The following CYB561 variants were observed in gnomAD, a reference collection of about 807,000 sequenced individuals.
CYB561 encodes the protein transmembrane ascorbate-dependent reductase CYB561.
In CYB561, 11 loss-of-function variants were observed where a neutral mutation model predicts 25.3. The observed-to-expected ratio is 0.44, with a 90% CI of 0.27 to 0.72. The LOEUF (loss-of-function observed/expected upper bound fraction) is 0.72, where lower values mean the gene tolerates loss of function less well. Among genes scored for constraint, CYB561 ranks in the 30% least tolerant of loss-of-function variants. The pLI is 0.18. For missense variants in CYB561, 295 were observed against 334.9 expected, an observed-to-expected ratio of 0.88 and a Z score of 0.93; for synonymous variants, 165 against 158.8, an observed-to-expected ratio of 1.04 and a Z score of -0.29.
Position 63,443,636 on chromosome 17 carries a change from G to T in CYB561, c.-14+2609C>A, listed in dbSNP as rs551969652. Among the ~76,000 whole-genome samples, 272 of 152,184 alleles carry T rather than the reference G, an allele frequency of 1.8e-3. 2 individuals are homozygous for T. Among genetic ancestry groups the T allele is most frequent in the African/African-American group, 4.4e-3 (181 of 41,522 alleles). ...AAAACTTATTTTAATTAATTTTTTT[G>T]TTGTTGTTGTTAACAGTGTCTACCT... is the stretch of plus-strand genomic sequence containing the variant. On this transcript the variant is annotated intron_variant, in intron 1 of 5. Coordinates refer to ENST00000360793, the MANE Select transcript of CYB561 (RefSeq NM_001915.4).
chr17:63,433,159 A>G lies in CYB561; in HGVS notation c.*1243T>C, dbSNP rs1177266316. The G allele has an allele frequency of 8.3e-6, 3 of 363,180 alleles. No homozygotes were observed. The Admixed American group carries it at 1.4e-4, about 17-fold the overall frequency. The allele number at this position is 363,180 out of a possible 1,614,324, so 22.5% of individuals were successfully genotyped here. ...ACCATTCTCCTGCCTCAGCCTCCCA[A>G]GTAGCTGGGACTACAGGCGCCCACC... On this transcript the variant is annotated 3_prime_UTR_variant, in exon 6 of 6. Transcript: ENST00000360793.
rs1048452711 is a variant in CYB561, at chr17:63,432,557, A to G, written c.*1845T>C. On this transcript the variant is annotated 3_prime_UTR_variant, in exon 6 of 6. Transcript: ENST00000360793. ...CGATTGTACTTTGGTAGTTTGTCTA[A>G]GGCGGAGTTTTCCCACATGTAAACA... 5.3e-5 allele frequency: 8 copies of G among 152,254 alleles called. No homozygotes were observed. The highest frequency in any genetic ancestry group is 1.0e-4 in the Non-Finnish European group (7 of 68,050). The allele number at this position is 152,254 out of a possible 1,614,324, so 9.4% of individuals were successfully genotyped here. A position where few individuals can be genotyped will look rare whatever the true frequency, so the allele number is the denominator to read the frequency against.
chr17:63,435,728 C>T lies in CYB561; in HGVS notation c.365G>A (p.Ser122Asn). Residue 122 changes from serine (S) to asparagine (N), a missense_variant, in exon 4 of 6, where the codon AGC (serine) becomes AAC (asparagine). Coordinates refer to ENST00000360793, the MANE Select transcript of CYB561 (RefSeq NM_001915.4). ...GACAAAGACAAGGATCCCGCACCAGCTGTGTAGGCTGTACAGGTCAGCGTA... is the reference window on the plus strand; with the variant it reads ...GACAAAGACAAGGATCCCGCACCAGTTGTGTAGGCTGTACAGGTCAGCGTA... ...KGYADLYSLH[S>N]WCGILVFVLY... 1 of 1,614,218 alleles carries T rather than the reference C, an allele frequency of 6.2e-7. No homozygotes were observed. Among genetic ancestry groups the T allele is most frequent in the Non-Finnish European group, 8.5e-7 (1 of 1,180,036 alleles).
At chr17:63,435,952 G>T (rs948659960) in intron 3 of CYB561, 102 bp downstream of exon 3, 1 of 1,599,814 alleles carries the variant, frequency 6.3e-7, no homozygotes, top group Admixed American at 1.7e-5. Flanking sequence ...GTGGGGGCGG[G>T]CCCATCACAG....
chr17:63,434,650 G>A (rs1312172968), intron 5 of CYB561, 56 bp from the exon 6 acceptor site: 7 of 1,480,482 alleles, frequency 4.7e-6, no homozygotes, highest in Non-Finnish European at 6.4e-6. Flanking sequence ...TAGGCCAAAT[G>A]CCCTTTGTAT....
At position 63,437,462 on chromosome 17, in the gene CYB561, GCCACCAAGGTCAGGC is replaced by G; in HGVS notation, c.71_85del (p.Gly24_Val28del). 1.2e-6 allele frequency: 2 copies of G among 1,613,910 alleles called. No homozygotes were observed. The highest frequency in any genetic ancestry group is 1.7e-6 in the Non-Finnish European group (2 of 1,179,968). ...CAGCCCGAGCCACGCGCCGGTCATG[GCCACCAAGGTCAGGC>G]CCAGCAGCTGGGAGAAGGCCACGTA... On this transcript the variant is annotated inframe_deletion, in exon 2 of 6. Transcript: ENST00000360793.
Position 63,436,237 on chromosome 17 carries a change from A to G in CYB561, c.203-85T>C, listed in dbSNP as rs1197236105. ...CAGCAGCAAGGAGGCACCTTGGTGGAGAGGTGATGTGAGCTGACGGCTTGT... is the reference window on the plus strand; with the variant it reads ...CAGCAGCAAGGAGGCACCTTGGTGGGGAGGTGATGTGAGCTGACGGCTTGT... On this transcript the variant is annotated intron_variant, in intron 2 of 5. Coordinates refer to ENST00000360793, the MANE Select transcript of CYB561 (RefSeq NM_001915.4). This position sits in a 1 kb window ranked among gnomAD's most constrained non-coding sequence, Gnocchi z 4.8. 24 of 1,515,298 alleles carry G rather than the reference A, an allele frequency of 1.6e-5. No homozygotes were observed. Among genetic ancestry groups the G allele is most frequent in the South Asian group, 4.8e-5 (4 of 82,510 alleles). 93.9% of individuals were successfully genotyped at this position (1,515,298 alleles called of 1,614,324 possible). A position where few individuals can be genotyped will look rare whatever the true frequency, so the allele number is the denominator to read the frequency against.
rs752179516 is a variant in CYB561, at chr17:63,437,568, A to G, written c.-13-8T>C. ...TCCATGCTGAGGCAAACGCTGCAAG[A>G]AAGAGCAGAGCTCAGAGGAGCAGCG... On this transcript the variant is annotated splice_polypyrimidine_tract_variant and splice_region_variant and intron_variant, in intron 1 of 5. Transcript: ENST00000360793. 6.2e-7 allele frequency: 1 copy of G among 1,600,574 alleles called. No homozygotes were observed. The highest frequency in any genetic ancestry group is 1.1e-5 in the South Asian group (1 of 90,670).
intron 4 of CYB561, 127 bp downstream of exon 4, chr17:63,435,561 G>A (rs986195474): frequency 2.4e-6 from 2 of 843,896 alleles, no homozygotes; most frequent in Admixed American, 2.1e-5. Context: ...GCCTGGGAAG[G>A]CAGCTCTCTC....
At chr17:63,438,207 C>A in intron 1 of CYB561, 1 of 1,535,654 alleles carries the variant, frequency 6.5e-7, no homozygotes, top group East Asian at 2.4e-5. Flanking sequence ...GGCCCAGTGC[C>A]CGGCTTTGTT....
At position 63,434,344 on chromosome 17, in the gene CYB561, G is replaced by T; in HGVS notation, c.*58C>A. On this transcript the variant is annotated 3_prime_UTR_variant, in exon 6 of 6. Transcript: ENST00000360793. ...CTCCGGAGCCTGCAGTCCTGAAGAC[G>T]CCTCAGCAGGGGCAGGCAAGAAGAC... is the stretch of plus-strand genomic sequence containing the variant. The T allele has an allele frequency of 2.1e-6, 3 of 1,445,334 alleles. No homozygotes were observed. Among genetic ancestry groups the T allele is most frequent in the South Asian group, 1.4e-5 (1 of 73,720 alleles). The allele number at this position is 1,445,334 out of a possible 1,614,324, so 89.5% of individuals were successfully genotyped here.
intron 1 of CYB561, chr17:63,438,451 C>T (rs2049339091): frequency 1.9e-6 from 1 of 518,644 alleles, no homozygotes; most frequent in African/African-American, 1.9e-5. Flanking sequence ...CCCGCTCCCC[C>T]CACGCCCCCG....
At chr17:63,443,611 A>T (rs1325734182) in intron 1 of CYB561, among the ~76,000 whole-genome samples, 2 of 152,230 alleles carry the variant, frequency 1.3e-5, no homozygotes, top group Non-Finnish European at 2.9e-5. Context: ...GCAATTTTTT[A>T]AAACTTATTT....
chr17:63,436,974 G>A lies in CYB561; in HGVS notation c.202+372C>T, dbSNP rs923464228. The A allele has an allele frequency of 4.8e-5, 12 of 251,344 alleles. No individual in the cohort carries two copies. Among genetic ancestry groups the A allele is most frequent in the African/African-American group, 2.0e-4 (9 of 44,562 alleles). The allele number at this position is 251,344 out of a possible 1,614,324, so 15.6% of individuals were successfully genotyped here. On this transcript the variant is annotated intron_variant, in intron 2 of 5. Coordinates refer to ENST00000360793, the MANE Select transcript of CYB561 (RefSeq NM_001915.4). The surrounding 1 kb of genome is among the most constrained non-coding windows in gnomAD (Gnocchi z 4.8). ...CAAGACCAACAACACACATGCGCGC[G>A]CACGCACGCACGCATACAAACTCTC...
At position 63,433,411 on chromosome 17, in the gene CYB561, A is replaced by ACTT. The variant is rs1205776336; in HGVS notation, c.*988_*990dup. 1 of 398,638 alleles carries ACTT rather than the reference A, an allele frequency of 2.5e-6. No individual in the cohort carries two copies. The highest frequency in any genetic ancestry group is 4.4e-6 in the Non-Finnish European group (1 of 226,218). 24.7% of individuals were successfully genotyped at this position (398,638 alleles called of 1,614,324 possible). A position where few individuals can be genotyped will look rare whatever the true frequency, so the allele number is the denominator to read the frequency against. On this transcript the variant is annotated 3_prime_UTR_variant, in exon 6 of 6. Transcript: ENST00000360793. ...CTGTAGTTGTTCTGACTCCATCCTG[A>ACTT]CTTCCTGGAAAGATGGGCAGCAGAT...
chr17:63,443,456 C>T (rs376672724), intron 1 of CYB561, among the ~76,000 whole-genome samples: 8 of 152,166 alleles, frequency 5.3e-5, no homozygotes, highest in African/African-American at 1.7e-4. Flanking sequence ...GAACTAGGTA[C>T]CCAGGAAGCA....
In CYB561 at chr17:63,434,552, G is replaced by C. The variant is rs772551964; in HGVS notation, c.606C>G (p.Asn202Lys). The stretch of plus-strand genomic sequence containing the variant: ...AGCAGGCCAGCAGCAGGCCCAGCAC[G>C]TTGGCCAGGACACCCTCGGGCTCAA... The part of the protein sequence containing the change: ...SAFEPEGVLA[N>K]VLGLLLACFG... Residue 202 changes from asparagine (N) to lysine (K), a missense_variant, in exon 6 of 6, where the codon AAC becomes AAG. Asn to Lys is a moderately conservative substitution (Grantham distance 94). Transcript: ENST00000360793. 1 of 1,612,808 alleles carries C rather than the reference G, an allele frequency of 6.2e-7. No homozygotes were observed. Among genetic ancestry groups the C allele is most frequent in the African/African-American group, 1.3e-5 (1 of 74,934 alleles).
intron 1 of CYB561, chr17:63,438,421 C>T (rs913795858): frequency 2.4e-5 from 13 of 542,158 alleles, no homozygotes; most frequent in African/African-American, 2.3e-4. Flanking sequence ...CCTCCCCACC[C>T]CACACCCAGG....
rs934622002 is a variant in CYB561, at chr17:63,434,173, G to A, written c.*229C>T. ...CCCAAAGCCTTCTGCACTGAAGGGGGCAACAGAGACACGGGAGCCACACAC... is the reference window on the plus strand; with the variant it reads ...CCCAAAGCCTTCTGCACTGAAGGGGACAACAGAGACACGGGAGCCACACAC... On this transcript the variant is annotated 3_prime_UTR_variant, in exon 6 of 6. Transcript: ENST00000360793. 7 of 528,818 alleles carry A rather than the reference G, an allele frequency of 1.3e-5. No homozygotes were observed. The highest frequency in any genetic ancestry group is 2.0e-5 in the Non-Finnish European group (6 of 294,914). 32.8% of individuals were successfully genotyped at this position (528,818 alleles called of 1,614,324 possible).
Sources: gnomAD v4.1 joint callset for allele counts (sites outside exome capture counted in the v4.1 genomes callset) on GRCh38, gnomAD v4.1.1 for gene constraint, Gnocchi (gnomAD v3.1) non-coding constraint, MANE v1.5 for transcripts, NCBI Gene and HGNC (gene_info 2026-07-23, HGNC 2026-07-21) for gene names.